FAM169A: variants seen among roughly 807,000 people sequenced by gnomAD.
FAM169A encodes the protein family with sequence similarity 169 member A.
In FAM169A, 24 loss-of-function variants were observed where a neutral mutation model predicts 75.7. The ratio of observed to expected loss-of-function variants is 0.32; its 90% CI spans 0.23 to 0.45. The LOEUF (loss-of-function observed/expected upper bound fraction) is 0.45. Ranked by LOEUF, FAM169A falls within the 20% of genes least tolerant of loss-of-function variation. FAM169A has a pLI of 1.00. For synonymous variants in FAM169A, 271 were observed against 271.0 expected (o/e 1.00, Z 0.00); for missense variants, 673 against 784.0 (o/e 0.86, Z 1.69).
intron 5 of FAM169A, among the ~76,000 whole-genome samples, chr5:74,821,488 T>C (rs1278167518): frequency 2.0e-5 from 3 of 152,196 alleles, no homozygotes; most frequent in African/African-American, 7.2e-5. Flanking sequence ...ATTGAAGACA[T>C]ACATAAAGTG....
rs569677939 is a variant in FAM169A, at chr5:74,811,912, C to G, written c.670+1928G>C. On this transcript the variant is annotated intron_variant, in intron 6 of 12. Transcript: ENST00000687041. ...TTTTTAAATATATAAAGCAACCTGA[C>G]ACATTGTTTGAGAATACACACGTAT... 3.2e-4 allele frequency among the ~76,000 whole-genome samples: 48 copies of G among 152,270 alleles called. 1 individual carries two copies. The highest frequency in any genetic ancestry group is 1.1e-3 in the African/African-American group (45 of 41,532).
At chr5:74,846,221 A>G (rs555649655) in intron 1 of FAM169A, among the ~76,000 whole-genome samples, 44 of 152,336 alleles carry the variant, frequency 2.9e-4, no homozygotes, top group Non-Finnish European at 3.8e-4. Flanking sequence ...AATCAATTCA[A>G]AAGATTCACT....
intron 11 of FAM169A, among the ~76,000 whole-genome samples, chr5:74,788,768 G>A (rs888013914): frequency 6.6e-6 from 1 of 152,074 alleles, no homozygotes; most frequent in Admixed American, 6.5e-5. Flanking sequence ...TGGAGGCACT[G>A]CAGAGATTAG....
chr5:74,805,728 GA>G (rs765846452), intron 6 of FAM169A, among the ~76,000 whole-genome samples: 1 of 150,046 alleles, frequency 6.7e-6, no homozygotes, highest in South Asian at 2.1e-4. Context: ...TGCTTTTAAA[GA>G]AAAAAATGAT....
At chr5:74,804,269 C>T (rs1228993697) in intron 8 of FAM169A, among the ~76,000 whole-genome samples, 2 of 151,736 alleles carry the variant, frequency 1.3e-5, no homozygotes, top group Admixed American at 6.6e-5. Flanking sequence ...TTCTAAATTA[C>T]CCTTAAATTA....
intron 10 of FAM169A, among the ~76,000 whole-genome samples, chr5:74,796,423 C>T (rs80122785): frequency 9.6e-5 from 8 of 83,420 alleles, no homozygotes; most frequent in South Asian, 7.2e-4. Context: ...TTTTTTTTTC[C>T]GAGATAAAGT....
At chr5:74,835,601 CAAAAAAA>C (rs35800429) in intron 4 of FAM169A, among the ~76,000 whole-genome samples, 116 of 59,176 alleles carry the variant, frequency 2.0e-3, no homozygotes, top group Non-Finnish European at 2.7e-3. Flanking sequence ...GACTGTGTCT[CAAAAAAA>C]AAAAAAAAAA....
At chr5:74,814,777 T>C (rs1747384297) in intron 5 of FAM169A, among the ~76,000 whole-genome samples, 1 of 152,238 alleles carries the variant, frequency 6.6e-6, no homozygotes, top group Non-Finnish European at 1.5e-5. Context: ...AATAGATGTA[T>C]TAACTCCTTT....
At chr5:74,851,039 C>T (rs1749415448) in intron 1 of FAM169A, among the ~76,000 whole-genome samples, 5 of 147,986 alleles carry the variant, frequency 3.4e-5, no homozygotes, top group Admixed American at 3.3e-4. Flanking sequence ...CATCAGCCTC[C>T]TGAATGGCTA....
intron 5 of FAM169A, among the ~76,000 whole-genome samples, chr5:74,814,407 T>G (rs892502030): frequency 6.6e-6 from 1 of 152,166 alleles, no homozygotes; most frequent in African/African-American, 2.4e-5. Context: ...ATTCCAACCT[T>G]AGTACCTGAA....
rs113009424 is a variant in FAM169A, at chr5:74,852,200, C to T, written c.-3-10521G>A. ...TCACTAGACAACTAAGAAATATAAC[C>T]ATGGGCTGCCATTATATAGCAGAGT... is the stretch of plus-strand genomic sequence containing the variant. On this transcript the variant is annotated intron_variant, in intron 1 of 12. Transcript: ENST00000687041. Among the ~76,000 whole-genome samples, 282 of 152,292 alleles carry T rather than the reference C, an allele frequency of 1.9e-3. 2 individuals carry two copies. Among genetic ancestry groups the T allele is most frequent in the African/African-American group, 6.3e-3 (263 of 41,568 alleles).
chr5:74,864,718 A>G (rs1157843119), intron 1 of FAM169A, among the ~76,000 whole-genome samples: 2 of 152,368 alleles, frequency 1.3e-5, no homozygotes, highest in East Asian at 3.9e-4. Flanking sequence ...GATCCCCATC[A>G]TTAACTTAGA....
chr5:74,799,052 G>A lies in FAM169A; in HGVS notation c.1103+1828C>T, dbSNP rs550775844. 336 of 1,037,916 alleles carry A rather than the reference G, an allele frequency of 3.2e-4. 6 individuals carry two copies. In the South Asian group the frequency reaches 3.6e-3, roughly 11 times the overall value. 64.3% of individuals were successfully genotyped at this position (1,037,916 alleles called of 1,614,324 possible). A position where few individuals can be genotyped will look rare whatever the true frequency, so the allele number is the denominator to read the frequency against. On this transcript the variant is annotated intron_variant, in intron 10 of 12. Coordinates refer to ENST00000687041, the MANE Select transcript of FAM169A (RefSeq NM_001376049.1). ...AACTGTCGTGCCTGAAACAGGGATCGTACCCAGATTGCCCTCAGTGTCAAT... is the reference window on the plus strand; with the variant it reads ...AACTGTCGTGCCTGAAACAGGGATCATACCCAGATTGCCCTCAGTGTCAAT...
At chr5:74,856,902 G>A (rs571016564) in intron 1 of FAM169A, among the ~76,000 whole-genome samples, 20 of 150,792 alleles carry the variant, frequency 1.3e-4, no homozygotes, top group Non-Finnish European at 1.9e-4. Flanking sequence ...AGGGTCAGGA[G>A]ATCGAGACCA....
chr5:74,841,198 AT>A (rs1388874289), intron 2 of FAM169A, among the ~76,000 whole-genome samples: 6 of 152,230 alleles, frequency 3.9e-5, no homozygotes, highest in Non-Finnish European at 7.3e-5. Context: ...CACAAAAAAT[AT>A]GTAATTTAGT....
chr5:74,857,572 GAAAAAAAA>G (rs35476827), intron 1 of FAM169A, among the ~76,000 whole-genome samples: 7 of 56,310 alleles, frequency 1.2e-4, no homozygotes, highest in East Asian at 2.1e-3. Flanking sequence ...CTTGCCGCGG[GAAAAAAAA>G]AAAAAAAAAA....
Position 74,866,210 on chromosome 5 carries a change from C to G in FAM169A, c.-49G>C, listed in dbSNP as rs1220711901. 4.1e-6 allele frequency: 4 copies of G among 984,216 alleles called. No individual in the cohort carries two copies. Among genetic ancestry groups the G allele is most frequent in the Admixed American group, 6.2e-5 (1 of 16,160 alleles). 61.0% of individuals were successfully genotyped at this position (984,216 alleles called of 1,614,324 possible). ...CGCTGGAAGAGCCCGGGAAAGGAGG[C>G]GGAGCCGCGCGAATGAATGGAGCCG... On this transcript the variant is annotated 5_prime_UTR_variant, in exon 1 of 13. Coordinates refer to ENST00000687041, the MANE Select transcript of FAM169A (RefSeq NM_001376049.1).
At chr5:74,782,109 C>T (rs1745442301) in intron 12 of FAM169A, 101 bp from the exon 13 acceptor site, 6 of 870,818 alleles carry the variant, frequency 6.9e-6, no homozygotes, top group Admixed American at 2.6e-5. Context: ...GAATTTAATT[C>T]GGTATTCATT....
rs1278795762 is a variant in FAM169A, at chr5:74,778,677, G to A, written c.*2783C>T. The A allele has an allele frequency of 2.6e-5, 4 of 152,000 alleles. No homozygotes were observed. Among genetic ancestry groups the A allele is most frequent in the Non-Finnish European group, 5.9e-5 (4 of 67,914 alleles). 9.4% of individuals were successfully genotyped at this position (152,000 alleles called of 1,614,324 possible). A position where few individuals can be genotyped will look rare whatever the true frequency, so the allele number is the denominator to read the frequency against. ...TAAATTCTTAAATATACTAATTTCT[G>A]TGATGTCTAGCAATTGAATAATTTA... On this transcript the variant is annotated 3_prime_UTR_variant, in exon 13 of 13. Transcript: ENST00000687041.
Sources: allele counts gnomAD v4.1 joint callset (sites outside exome capture counted in the v4.1 genomes callset), GRCh38; gene constraint gnomAD v4.1.1; transcripts MANE v1.5; gene names NCBI Gene and HGNC (gene_info 2026-07-23, HGNC 2026-07-21).